The following GABRG3 variants were observed in gnomAD, a reference collection of about 807,000 sequenced individuals.
The protein encoded by GABRG3 is gamma-aminobutyric acid receptor subunit gamma-3.
GABRG3 carries 25 observed loss-of-function variants against 48.8 expected under a neutral mutation model. The ratio of observed to expected loss-of-function variants is 0.51; its 90% CI spans 0.37 to 0.72. GABRG3 has a LOEUF of 0.72. GABRG3 is among the 30% of genes least tolerant of loss of function. The pLI, the probability that GABRG3 is intolerant of heterozygous loss-of-function variation, is 0.00. For missense variants in GABRG3, 394 were observed against 577.9 expected, an observed-to-expected ratio of 0.68 and a Z score of 3.26; for synonymous variants, 227 against 217.6, an observed-to-expected ratio of 1.04 and a Z score of -0.38.
Position 27,463,906 on chromosome 15 carries a change from G to C in GABRG3, c.575-16744G>C, listed in dbSNP as rs1476478579. On this transcript the variant is annotated intron_variant, in intron 5 of 9. Coordinates refer to ENST00000615808, the MANE Select transcript of GABRG3 (RefSeq NM_033223.5). ...AGTGGGCTCAGTTCAGACAGGACCA[G>C]CAAACCCACGTGCCCCTCCCATAAG... Among the ~76,000 whole-genome samples, 3 of 152,104 alleles carry C rather than the reference G, an allele frequency of 2.0e-5. No homozygotes were observed. In the East Asian group the frequency reaches 5.8e-4, roughly 29 times the overall value.
At chr15:27,117,551 A>G (rs933401255) in intron 3 of GABRG3, among the ~76,000 whole-genome samples, 8 of 152,340 alleles carry the variant, frequency 5.3e-5, no homozygotes, top group African/African-American at 1.9e-4. Flanking sequence ...ATGTTTTCAT[A>G]TGAACTCTCT....
At chr15:27,092,971 T>C (rs969932081) in intron 3 of GABRG3, among the ~76,000 whole-genome samples, 5 of 151,830 alleles carry the variant, frequency 3.3e-5, no homozygotes. Context: ...TGAAAGGGAA[T>C]TGAGAAGGGG....
chr15:27,065,041 G>T (rs1896713789), intron 3 of GABRG3, among the ~76,000 whole-genome samples: 1 of 152,120 alleles, frequency 6.6e-6, no homozygotes, highest in Non-Finnish European at 1.5e-5. Context: ...GAAGGAGCAG[G>T]TGCCGTGTGG....
intron 5 of GABRG3, among the ~76,000 whole-genome samples, chr15:27,371,500 T>C (rs1895413368): frequency 6.6e-6 from 1 of 152,226 alleles, no homozygotes; most frequent in South Asian, 2.1e-4. Context: ...CTCTCTCTCC[T>C]TGTAGTTTGT....
chr15:27,343,244 G>C (rs143351291), intron 5 of GABRG3, among the ~76,000 whole-genome samples: 1 of 152,132 alleles, frequency 6.6e-6, no homozygotes, highest in African/African-American at 2.4e-5. Flanking sequence ...CTGTCTTGGC[G>C]TGCAGAAGTC....
chr15:27,126,352 G>C (rs913279091), intron 3 of GABRG3, among the ~76,000 whole-genome samples: 1 of 152,190 alleles, frequency 6.6e-6, no homozygotes, highest in African/African-American at 2.4e-5. Flanking sequence ...TCGCGATTAG[G>C]TCTTGTCTGA....
intron 5 of GABRG3, among the ~76,000 whole-genome samples, chr15:27,375,766 C>A (rs919384546): frequency 3.3e-5 from 5 of 152,106 alleles, no homozygotes; most frequent in African/African-American, 9.7e-5. Flanking sequence ...TGGGTCCCTC[C>A]CACAACATGT....
At chr15:27,261,184 T>A (rs1392203820) in intron 3 of GABRG3, among the ~76,000 whole-genome samples, 1 of 152,158 alleles carries the variant, frequency 6.6e-6, no homozygotes, top group Non-Finnish European at 1.5e-5. Context: ...TCTATTGCAC[T>A]AGGAATCAAG....
chr15:27,484,459 A>T (rs554060249), intron 6 of GABRG3, among the ~76,000 whole-genome samples: 1 of 152,310 alleles, frequency 6.6e-6, no homozygotes, highest in Non-Finnish European at 1.5e-5. Flanking sequence ...TATTAATTAA[A>T]AAGAAGCTAA....
intron 5 of GABRG3, among the ~76,000 whole-genome samples, chr15:27,329,995 A>C (rs148240623): frequency 0.017 from 2,529 of 152,272 alleles, 73 homozygotes; most frequent in African/African-American, 0.056. Flanking sequence ...TAATCCCAGC[A>C]CTTTGGGAGG....
At chr15:27,358,911 C>CA (rs934278310) in intron 5 of GABRG3, among the ~76,000 whole-genome samples, 7 of 152,196 alleles carry the variant, frequency 4.6e-5, no homozygotes, top group African/African-American at 1.7e-4. Flanking sequence ...TGGGCCCCGG[C>CA]AGTGCAGAGG....
chr15:27,186,980 A>G (rs1240515887), intron 3 of GABRG3, among the ~76,000 whole-genome samples: 1 of 152,160 alleles, frequency 6.6e-6, no homozygotes, highest in African/African-American at 2.4e-5. Flanking sequence ...GGACTAAGCC[A>G]TTCAATTCTT....
rs142331559 is a variant in GABRG3 at position 27,180,153 on chromosome 15, G to A, written c.271-146656G>A. On this transcript the variant is annotated intron_variant, in intron 3 of 9. Transcript: ENST00000615808. The surrounding 1 kb of genome is among the most constrained non-coding windows in gnomAD (Gnocchi z 4.2). ...GCTCACAAAGAAGTTGTCCAGGCCCGGGGGGTGAGATACATAAATTGAGCC... is the reference window on the plus strand; with the variant it reads ...GCTCACAAAGAAGTTGTCCAGGCCCAGGGGGTGAGATACATAAATTGAGCC... Among the ~76,000 whole-genome samples the A allele has an allele frequency of 3.0e-4, 46 of 152,212 alleles. No individual in the cohort carries two copies. The East Asian group carries it at 3.5e-3, about 12-fold the overall frequency.
intron 2 of GABRG3, among the ~76,000 whole-genome samples, chr15:26,987,690 A>C (rs184840938): frequency 3.9e-5 from 6 of 152,220 alleles, no homozygotes; most frequent in Non-Finnish European, 5.9e-5. Context: ...CTTGATTTCC[A>C]TTTTGATAAC....
At chr15:27,106,899 A>G (rs1897459529) in intron 3 of GABRG3, among the ~76,000 whole-genome samples, 1 of 152,134 alleles carries the variant, frequency 6.6e-6, no homozygotes, top group African/African-American at 2.4e-5. Context: ...CCCTATAGTC[A>G]TTAAAGGAAT....
intron 3 of GABRG3, among the ~76,000 whole-genome samples, chr15:27,112,564 C>T (rs1319393013): frequency 6.6e-6 from 1 of 151,714 alleles, no homozygotes; most frequent in Non-Finnish European, 1.5e-5. Context: ...CCTCAGCCTC[C>T]CGAGTAGCTG....
intron 5 of GABRG3, among the ~76,000 whole-genome samples, chr15:27,346,033 G>A (rs1319352603): frequency 7.5e-6 from 1 of 132,592 alleles, no homozygotes; most frequent in Non-Finnish European, 1.5e-5. Context: ...CAGCCTAGGT[G>A]ACAGAGTGAG....
Position 27,509,380 on chromosome 15 carries a change from T to C in GABRG3, c.713-10592T>C, listed in dbSNP as rs536071884. On this transcript the variant is annotated intron_variant, in intron 6 of 9. Transcript: ENST00000615808. The stretch of plus-strand genomic sequence containing the variant: ...CTGATATTTGAGCCTCTTGGATTTG[T>C]ACTTTGGTGTCTGTCATTATTTTGC... 1.8e-4 allele frequency among the ~76,000 whole-genome samples: 27 copies of C among 152,280 alleles called. No individual in the cohort carries two copies. In the East Asian group the frequency reaches 3.5e-3, roughly 20 times the overall value.
chr15:27,364,082 CACA>C (rs1895112498), intron 5 of GABRG3: 1 of 152,224 alleles, frequency 6.6e-6, no homozygotes, highest in Non-Finnish European at 1.5e-5. Context: ...ACTACCGAAA[CACA>C]AGGTATCATG....
Sources: allele counts gnomAD v4.1 joint callset (sites outside exome capture counted in the v4.1 genomes callset), GRCh38; gene constraint gnomAD v4.1.1; non-coding constraint Gnocchi (gnomAD v3.1); transcripts MANE v1.5; gene names NCBI Gene and HGNC (gene_info 2026-07-23, HGNC 2026-07-21).